Variants in SMCHD1 observed in about 807,000 individuals in gnomAD.
SMCHD1 encodes the protein structural maintenance of chromosomes flexible hinge domain-containing protein 1.
SMCHD1 carries 78 observed loss-of-function variants against 254.7 expected under a neutral mutation model. The observed-to-expected ratio is 0.31, with a 90% CI of 0.26 to 0.37. The LOEUF (loss-of-function observed/expected upper bound fraction) is 0.37, where lower values mean the gene tolerates loss of function less well. SMCHD1 is among the 10% of genes least tolerant of loss of function. SMCHD1 has a pLI of 1.00. For synonymous variants in SMCHD1, 766 were observed against 794.9 expected, an observed-to-expected ratio of 0.96 and a Z score of 0.61; for missense variants, 1,840 against 2,408.1, an observed-to-expected ratio of 0.76 and a Z score of 4.94.
chr18:2,748,380 G>GTGTGTGTGTGTGTGTATGTA (rs561439889), intron 30 of SMCHD1, among the ~76,000 whole-genome samples: 2 of 80,278 alleles, frequency 2.5e-5, no homozygotes, highest in African/African-American at 1.4e-4. Flanking sequence ...GTGTGTGTGT[G>GTGTGTGTGTGTGTGTATGTA]TGTATATAAA....
At chr18:2,722,448 C>G in intron 19 of SMCHD1, 71 bp from the exon 20 acceptor site, 1 of 1,237,924 alleles carries the variant, frequency 8.1e-7, no homozygotes, top group Non-Finnish European at 1.1e-6. Flanking sequence ...AGAAATGGAT[C>G]TGTTTTTGAC....
intron 27 of SMCHD1, 39 bp downstream of exon 27, chr18:2,739,559 A>AG (rs1429930913): frequency 6.6e-7 from 1 of 1,505,476 alleles, no homozygotes; most frequent in Non-Finnish European, 9.2e-7. Context: ...CAACAAAAAA[A>AG]TCTTCTGTGA....
At chr18:2,677,937 T>A (rs1568113725) in intron 5 of SMCHD1, among the ~76,000 whole-genome samples, 1 of 152,170 alleles carries the variant, frequency 6.6e-6, no homozygotes, top group Non-Finnish European at 1.5e-5. Context: ...TTAATCTACA[T>A]TTTTAGTTGT....
At chr18:2,675,876 T>G (rs184598649) in intron 5 of SMCHD1, among the ~76,000 whole-genome samples, 2 of 152,314 alleles carry the variant, frequency 1.3e-5, no homozygotes, top group Admixed American at 1.3e-4. Flanking sequence ...TAACCAAATA[T>G]TAGGGAAATT....
At chr18:2,677,682 A>G (rs1369734467) in intron 5 of SMCHD1, among the ~76,000 whole-genome samples, 1 of 152,132 alleles carries the variant, frequency 6.6e-6, no homozygotes, top group African/African-American at 2.4e-5. Context: ...GCTGGAGTGT[A>G]GTGGTGCTAT....
intron 37 of SMCHD1, among the ~76,000 whole-genome samples, chr18:2,768,576 T>C (rs1341583851): frequency 2.1e-5 from 3 of 141,540 alleles, no homozygotes; most frequent in African/African-American, 7.5e-5. Context: ...ACATACTAAA[T>C]ATTTGCCACC....
At chr18:2,782,450 T>C (rs56255604) in intron 44 of SMCHD1, among the ~76,000 whole-genome samples, 29,415 of 151,966 alleles carry the variant, frequency 0.19, 3,088 homozygotes, top group Admixed American at 0.26. Flanking sequence ...TTATTTAAGA[T>C]CATATTAGGC....
rs1568199419 is a variant in SMCHD1 at position 2,708,915 on chromosome 18, T to TATATATATAAC, written c.2260+996_2260+997insTATATATAACA. Among the ~76,000 whole-genome samples the TATATATATAAC allele has an allele frequency of 1.7e-3, 158 of 90,422 alleles. 5 individuals carry two copies. Among genetic ancestry groups the TATATATATAAC allele is most frequent in the Non-Finnish European group, 2.6e-3 (119 of 45,650 alleles). The allele number at this position is 90,422 out of a possible 152,430, so 59.3% of individuals were successfully genotyped here. A position where few individuals can be genotyped will look rare whatever the true frequency, so the allele number is the denominator to read the frequency against. ...ATATATATATATATATATAACATAT[T>TATATATATAAC]AACATGAAATTTATGAAGTGGCATT... On this transcript the variant is annotated intron_variant, in intron 17 of 47. Transcript: ENST00000320876.
chr18:2,655,953 G>A lies in SMCHD1; in HGVS notation c.-123G>A, dbSNP rs976372400. The stretch of plus-strand genomic sequence containing the variant: ...CCGCCGCCGCTGACGAGGAGCTGCA[G>A]CGCGCCGGGCCGAGGCCTCGAGCCG... On this transcript the variant is annotated 5_prime_UTR_variant, in exon 1 of 48. Coordinates refer to ENST00000320876, the MANE Select transcript of SMCHD1 (RefSeq NM_015295.3). The A allele has an allele frequency of 4.2e-6, 3 of 706,862 alleles. No homozygotes were observed. The highest frequency in any genetic ancestry group is 3.7e-5 in the African/African-American group (2 of 53,898). The allele number at this position is 706,862 out of a possible 1,614,324, so 43.8% of individuals were successfully genotyped here. A position where few individuals can be genotyped will look rare whatever the true frequency, so the allele number is the denominator to read the frequency against.
intron 29 of SMCHD1, among the ~76,000 whole-genome samples, chr18:2,745,714 G>A (rs2075441860): frequency 6.6e-6 from 1 of 152,074 alleles, no homozygotes; most frequent in African/African-American, 2.4e-5. Context: ...ATCGTTTTGG[G>A]GGACAAATAT....
chr18:2,795,259 G>T (rs1325638143), intron 45 of SMCHD1, among the ~76,000 whole-genome samples: 1 of 151,872 alleles, frequency 6.6e-6, no homozygotes, highest in East Asian at 1.9e-4. Context: ...GGGTTTCACC[G>T]TGTTAGCCAG....
intron 3 of SMCHD1, among the ~76,000 whole-genome samples, chr18:2,667,614 A>G (rs1215652550): frequency 1.3e-5 from 2 of 152,110 alleles, no homozygotes; most frequent in East Asian, 1.9e-4. Flanking sequence ...TTTTCTCATT[A>G]TATGTGTATT....
At chr18:2,726,864 T>A (rs1418406789) in intron 22 of SMCHD1, 1 of 155,488 alleles carries the variant, frequency 6.4e-6, no homozygotes, top group Non-Finnish European at 1.4e-5. Context: ...GAAGAAAAAC[T>A]TCTAATGTTA....
At chr18:2,666,838 C>T (rs768106931) in intron 2 of SMCHD1, 32 bp from the exon 3 acceptor site, 2 of 1,576,478 alleles carry the variant, frequency 1.3e-6, no homozygotes, top group Admixed American at 1.8e-5. Context: ...TGATGCTGAC[C>T]TAGCACTTAT....
intron 1 of SMCHD1, among the ~76,000 whole-genome samples, chr18:2,657,917 G>A (rs867398120): frequency 6.6e-6 from 1 of 151,374 alleles, no homozygotes; most frequent in African/African-American, 2.4e-5. Context: ...CAAGTAGCCA[G>A]GACTACAGGT....
chr18:2,764,662 A>G (rs1182060400), intron 37 of SMCHD1, among the ~76,000 whole-genome samples: 1 of 152,206 alleles, frequency 6.6e-6, no homozygotes, highest in Non-Finnish European at 1.5e-5. Flanking sequence ...CAATACAACA[A>G]CTATTTTCAT....
At chr18:2,701,165 T>G (rs2074391428) in intron 12 of SMCHD1, 4 of 123,338 alleles carry the variant, frequency 3.2e-5, no homozygotes, top group South Asian at 3.0e-4. Flanking sequence ...GTTTTTTTTG[T>G]TTTTTTTTTT....
Position 2,796,351 on chromosome 18 carries a change from T to C in SMCHD1, c.5879-56T>C, listed in dbSNP as rs917624989. The C allele has an allele frequency of 2.6e-6, 3 of 1,140,806 alleles. No homozygotes were observed. The African/African-American group carries it at 4.7e-5, about 18-fold the overall frequency. The allele number at this position is 1,140,806 out of a possible 1,614,324, so 70.7% of individuals were successfully genotyped here. A position where few individuals can be genotyped will look rare whatever the true frequency, so the allele number is the denominator to read the frequency against. On this transcript the variant is annotated intron_variant, in intron 46 of 47. Coordinates refer to ENST00000320876, the MANE Select transcript of SMCHD1 (RefSeq NM_015295.3). The stretch of plus-strand genomic sequence containing the variant: ...TATGACATATTCATGTTTGCATTTC[T>C]CTAATTCCATTGTTTTTATTGTAAA...
intron 25 of SMCHD1, among the ~76,000 whole-genome samples, chr18:2,737,329 G>A (rs2075269937): frequency 6.6e-6 from 1 of 152,182 alleles, no homozygotes; most frequent in Non-Finnish European, 1.5e-5. Context: ...TCAGTGACAT[G>A]CAATTTATCC....
Sources: allele counts gnomAD v4.1 joint callset (sites outside exome capture counted in the v4.1 genomes callset), GRCh38; gene constraint gnomAD v4.1.1; transcripts MANE v1.5; gene names NCBI Gene and HGNC (gene_info 2026-07-23, HGNC 2026-07-21).